Variants in DNM2 observed in about 807,000 individuals in gnomAD.
DNM2 encodes the protein dynamin 2.
DNM2 carries 15 observed loss-of-function variants against 99.0 expected under a neutral mutation model. The observed-to-expected ratio is 0.15, with a 90% CI of 0.10 to 0.23. The LOEUF is 0.23. Among genes scored for constraint, DNM2 ranks in the 10% least tolerant of loss-of-function variants. DNM2 has a pLI of 1.00. For missense variants in DNM2, 742 were observed against 1,189.4 expected (o/e 0.62, Z 5.53); for synonymous variants, 525 against 481.2 (o/e 1.09, Z -1.19).
intron 1 of DNM2, among the ~76,000 whole-genome samples, chr19:10,718,918 C>T (rs1256121178): frequency 6.6e-6 from 1 of 152,156 alleles, no homozygotes; most frequent in Non-Finnish European, 1.5e-5. Context: ...CTGTCCAGTC[C>T]CACCTGGCAG....
rs2070784004 is a variant in DNM2 at position 10,765,999 on chromosome 19, A to G, written c.235+6188A>G. Among the ~76,000 whole-genome samples the G allele has an allele frequency of 6.6e-6, 1 of 152,194 alleles. No individual in the cohort carries two copies. The highest frequency in any genetic ancestry group is 1.5e-5 in the Non-Finnish European group (1 of 68,040). On this transcript the variant is annotated intron_variant, in intron 2 of 20. Transcript: ENST00000389253. The surrounding 1 kb of genome is among the most constrained non-coding windows in gnomAD (Gnocchi z 4.4). ...TGTGCTCCTGATGGGATTTGATCGC[A>G]GTCATATGGGAGCCCCGGCACTGGG...
At chr19:10,797,670 G>T in intron 10 of DNM2, 152 bp downstream of exon 10, 1 of 1,245,164 alleles carries the variant, frequency 8.0e-7, no homozygotes, top group Non-Finnish European at 1.1e-6. Context: ...TGCATTGGCA[G>T]ATGGAATGGG....
chr19:10,735,323 C>G (rs1472008727), intron 1 of DNM2, among the ~76,000 whole-genome samples: 1 of 152,128 alleles, frequency 6.6e-6, no homozygotes, highest in Admixed American at 6.6e-5. Flanking sequence ...CAGGCGTAAG[C>G]CACCTCGTCC....
intron 7 of DNM2, 131 bp downstream of exon 7, chr19:10,786,837 C>T: frequency 6.6e-7 from 1 of 1,520,102 alleles, no homozygotes; most frequent in Non-Finnish European, 8.9e-7. Flanking sequence ...TGCAAGCCTT[C>T]TGCGTGCCAG....
At chr19:10,826,939 G>A (rs1376974424) in intron 18 of DNM2, among the ~76,000 whole-genome samples, 3 of 151,694 alleles carry the variant, frequency 2.0e-5, no homozygotes, top group South Asian at 2.1e-4. Context: ...AGAAACCTGC[G>A]GATCTAAGTA....
At chr19:10,786,833 C>T in intron 7 of DNM2, 127 bp downstream of exon 7, 1 of 1,522,714 alleles carries the variant, frequency 6.6e-7, no homozygotes, top group South Asian at 1.2e-5. Context: ...TTGCTGCAAG[C>T]CTTCTGCGTG....
rs1167531652 is a variant in DNM2, at chr19:10,830,816, G to T, written c.2544-162G>T. ...AAACAGCAGGCGAGTTGATGCCTAGGTTTGGCACTCCTGCCCGACACCCTG... is the reference window on the plus strand; with the variant it reads ...AAACAGCAGGCGAGTTGATGCCTAGTTTTGGCACTCCTGCCCGACACCCTG... On this transcript the variant is annotated intron_variant, in intron 20 of 20. Coordinates refer to ENST00000389253, the MANE Select transcript of DNM2 (RefSeq NM_001005361.3). This position sits in a 1 kb window ranked among gnomAD's most constrained non-coding sequence, Gnocchi z 4.8. 6.6e-6 allele frequency among the ~76,000 whole-genome samples: 1 copy of T among 152,076 alleles called. No homozygotes were observed. The highest frequency in any genetic ancestry group is 1.5e-5 in the Non-Finnish European group (1 of 67,968).
intron 1 of DNM2, among the ~76,000 whole-genome samples, chr19:10,756,099 G>T (rs2070372905): frequency 6.6e-6 from 1 of 152,170 alleles, no homozygotes; most frequent in Non-Finnish European, 1.5e-5. Flanking sequence ...TTAATACCCT[G>T]GGACAGCCTG....
intron 1 of DNM2, among the ~76,000 whole-genome samples, chr19:10,757,754 C>T (rs2070444751): frequency 6.6e-6 from 1 of 151,990 alleles, no homozygotes; most frequent in African/African-American, 2.4e-5. Flanking sequence ...ACCACTCTGG[C>T]CAACATAGTG....
chr19:10,733,794 G>A (rs1183016809), intron 1 of DNM2, among the ~76,000 whole-genome samples: 1 of 151,628 alleles, frequency 6.6e-6, no homozygotes, highest in African/African-American at 2.4e-5. Context: ...ATCACCTGAG[G>A]TCAGGAGTTC....
At chr19:10,744,405 A>G (rs1366177336) in intron 1 of DNM2, among the ~76,000 whole-genome samples, 1 of 152,112 alleles carries the variant, frequency 6.6e-6, no homozygotes, top group Non-Finnish European at 1.5e-5. Context: ...GTCACTTGTG[A>G]CATTGTGGAC....
At chr19:10,794,380 A>T (rs1441222358) in intron 8 of DNM2, among the ~76,000 whole-genome samples, 8 of 105,738 alleles carry the variant, frequency 7.6e-5, no homozygotes, top group Non-Finnish European at 8.1e-5. Context: ...TGTGTGTGTG[A>T]TTTGCTTGAA....
chr19:10,782,372 C>CTTTTTCTCTTT, intron 5 of DNM2, among the ~76,000 whole-genome samples: 1 of 150,790 alleles, frequency 6.6e-6, no homozygotes, highest in Non-Finnish European at 1.5e-5. Flanking sequence ...TTTTCTCTTT[C>CTTTTTCTCTTT]TTTTTATTCA....
Position 10,764,175 on chromosome 19 carries a change from G to A in DNM2, c.235+4364G>A, listed in dbSNP as rs1288161110. On this transcript the variant is annotated intron_variant, in intron 2 of 20. Transcript: ENST00000389253. This position sits in a 1 kb window ranked among gnomAD's most constrained non-coding sequence, Gnocchi z 4.1. ...CTGTGACCAAACTCAGAACCAGGCT[G>A]CCACCCTTTACTGGCCCGGGACTTG... Among the ~76,000 whole-genome samples the A allele has an allele frequency of 6.6e-6, 1 of 152,140 alleles. No homozygotes were observed. Among genetic ancestry groups the A allele is most frequent in the African/African-American group, 2.4e-5 (1 of 41,438 alleles).
chr19:10,734,537 G>A (rs1222500449), intron 1 of DNM2, among the ~76,000 whole-genome samples: 4 of 150,188 alleles, frequency 2.7e-5, no homozygotes, highest in African/African-American at 7.4e-5. Context: ...TCCTCTGGAG[G>A]CTGAGACAGG....
Position 10,818,197 on chromosome 19 carries a change from A to G in DNM2, c.1672-1783A>G, listed in dbSNP as rs1056808422. Reference sequence around the variant, plus strand: ...GGTCCGCAGCGGCATCCCTCCCTCCATGGCCACCGGGCCCCTCTCCTATGC... The same window carrying G: ...GGTCCGCAGCGGCATCCCTCCCTCCGTGGCCACCGGGCCCCTCTCCTATGC... On this transcript the variant is annotated intron_variant, in intron 15 of 20. Coordinates refer to ENST00000389253, the MANE Select transcript of DNM2 (RefSeq NM_001005361.3). The surrounding 1 kb of genome is among the most constrained non-coding windows in gnomAD (Gnocchi z 4.3). 1.8e-5 allele frequency among the ~76,000 whole-genome samples: 2 copies of G among 113,360 alleles called. No individual in the cohort carries two copies. The highest frequency in any genetic ancestry group is 8.7e-5 in the Admixed American group (1 of 11,508). 74.4% of individuals were successfully genotyped at this position (113,360 alleles called of 152,430 possible).
intron 18 of DNM2, among the ~76,000 whole-genome samples, chr19:10,825,822 C>G (rs1266537324): frequency 6.7e-6 from 1 of 148,720 alleles, no homozygotes; most frequent in African/African-American, 2.5e-5. Context: ...CCACTGCACT[C>G]CAGCCTGGTT....
intron 1 of DNM2, among the ~76,000 whole-genome samples, chr19:10,728,863 C>A (rs888942066): frequency 6.6e-6 from 1 of 151,762 alleles, no homozygotes; most frequent in Non-Finnish European, 1.5e-5. Flanking sequence ...GGGAGGATCT[C>A]CTGAGCCCAG....
rs1055489267 is a variant in DNM2 at position 10,811,544 on chromosome 19, C to T, written c.1558-720C>T. 2.1e-5 allele frequency: 8 copies of T among 376,372 alleles called. No individual in the cohort carries two copies. The highest frequency in any genetic ancestry group is 1.4e-4 in the East Asian group (2 of 13,828). The allele number at this position is 376,372 out of a possible 1,614,324, so 23.3% of individuals were successfully genotyped here. A position where few individuals can be genotyped will look rare whatever the true frequency, so the allele number is the denominator to read the frequency against. On this transcript the variant is annotated intron_variant, in intron 14 of 20. Transcript: ENST00000389253. The surrounding 1 kb of genome is among the most constrained non-coding windows in gnomAD (Gnocchi z 5.4). ...TCCCAGGCCGCCCTGTGCGTGCCTC[C>T]GTGTGCTTCCTGCAGCTCCCAGGGC...
Sources: gnomAD v4.1 joint callset for allele counts (sites outside exome capture counted in the v4.1 genomes callset) on GRCh38, gnomAD v4.1.1 for gene constraint, Gnocchi (gnomAD v3.1) non-coding constraint, MANE v1.5 for transcripts, NCBI Gene and HGNC (gene_info 2026-07-23, HGNC 2026-07-21) for gene names.